The following LRRC39 variants were observed in gnomAD, a reference collection of about 807,000 sequenced individuals.
LRRC39 encodes the protein leucine rich repeat containing 39.
Under a neutral mutation model 39.7 loss-of-function variants are expected in LRRC39, and 35 were observed. The ratio of observed to expected loss-of-function variants is 0.88; its 90% CI spans 0.67 to 1.17. The LOEUF (loss-of-function observed/expected upper bound fraction) is 1.17, where lower values mean the gene tolerates loss of function less well. LRRC39 is among the 50% of genes most tolerant of loss of function. The pLI is 0.00. For missense variants in LRRC39, 357 were observed against 385.8 expected (o/e 0.93, Z 0.62); for synonymous variants, 113 against 134.1 (o/e 0.84, Z 1.09).
chr1:100,176,857 T>C (rs555330833), intron 1 of LRRC39, among the ~76,000 whole-genome samples: 1 of 152,260 alleles, frequency 6.6e-6, no homozygotes, highest in South Asian at 2.1e-4. Flanking sequence ...CAGAACAGAA[T>C]ATAAATGCCA....
intron 2 of LRRC39, among the ~76,000 whole-genome samples, chr1:100,169,063 C>T (rs534784892): frequency 2.6e-5 from 4 of 151,544 alleles, no homozygotes; most frequent in Admixed American, 6.6e-5. Flanking sequence ...AAATGGATGA[C>T]GCAGTATTAA....
intron 2 of LRRC39, among the ~76,000 whole-genome samples, chr1:100,171,500 C>CT (rs1659595128): frequency 1.4e-5 from 2 of 143,286 alleles, no homozygotes; most frequent in Non-Finnish European, 1.5e-5. Context: ...TTTTTTCTTT[C>CT]TTCTTTTTTT....
Position 100,159,331 on chromosome 1 carries a change from T to A in LRRC39, c.304A>T (p.Ile102Phe). The A allele has an allele frequency of 6.2e-7, 1 of 1,611,626 alleles. No individual in the cohort carries two copies. Among genetic ancestry groups the A allele is most frequent in the Non-Finnish European group, 8.5e-7 (1 of 1,178,850 alleles). Reference protein sequence around the residue: ...RTGLLKIPEFIGRFQNLIVLD... With the variant: ...RTGLLKIPEFFGRFQNLIVLD... ...ACAATGAGGTTCTGGAATCTTCCAA[T>A]GAATTCAGGAATTTTCAGCAAACCA... The change falls in exon 5 of 10, where the codon ATT becomes TTT. Residue 102 changes from isoleucine to phenylalanine, a missense_variant. Physicochemically the swap from Ile to Phe is conservative, Grantham distance 21. Transcript: ENST00000370137.
intron 1 of LRRC39, among the ~76,000 whole-genome samples, chr1:100,174,144 A>T (rs1659811047): frequency 6.6e-6 from 1 of 152,190 alleles, no homozygotes; most frequent in Admixed American, 6.5e-5. Flanking sequence ...AAAGAAAACT[A>T]GAGTGGGAGG....
chr1:100,179,392 G>A (rs1258402756), upstream of LRRC39, among the ~76,000 whole-genome samples: 2 of 145,586 alleles, frequency 1.4e-5, no homozygotes, highest in Admixed American at 7.3e-5. Context: ...TAAAAATCAA[G>A]ATCTCACACC....
In LRRC39 at chr1:100,168,610, A is replaced by T. The variant is rs1053903890; in HGVS notation, c.-78-16T>A. 1.1e-6 allele frequency: 1 copy of T among 881,984 alleles called. No individual in the cohort carries two copies. Among genetic ancestry groups the T allele is most frequent in the African/African-American group, 1.7e-5 (1 of 58,628 alleles). 54.6% of individuals were successfully genotyped at this position (881,984 alleles called of 1,614,324 possible). ...CAGAAAGGACCTAAATGTACCAGAG[A>T]AAAAAAGCAATGTTTCAGACTGTTC... On this transcript the variant is annotated splice_polypyrimidine_tract_variant and intron_variant, in intron 2 of 9. Transcript: ENST00000370137.
At chr1:100,167,152 C>T (rs1210105963) in intron 3 of LRRC39, among the ~76,000 whole-genome samples, 3 of 152,042 alleles carry the variant, frequency 2.0e-5, no homozygotes, top group African/African-American at 4.8e-5. Flanking sequence ...GTTAGGGACC[C>T]TCTGTGAAAG....
intron 3 of LRRC39, among the ~76,000 whole-genome samples, chr1:100,166,300 A>T (rs909188115): frequency 6.6e-6 from 1 of 152,184 alleles, no homozygotes; most frequent in South Asian, 2.1e-4. Flanking sequence ...TGTGGAAGTG[A>T]CTTTGGAACT....
At chr1:100,162,747 T>C (rs919158398) in intron 3 of LRRC39, among the ~76,000 whole-genome samples, 3 of 152,010 alleles carry the variant, frequency 2.0e-5, no homozygotes, top group Non-Finnish European at 4.4e-5. Context: ...GAATTGAAAA[T>C]TTTGAAAATT....
At position 100,175,187 on chromosome 1, in the gene LRRC39, G is replaced by GT. The variant is rs1314275923; in HGVS notation, c.-118-1818dup. On this transcript the variant is annotated intron_variant, in intron 1 of 9. Transcript: ENST00000370137. ...GTTTCAGGTATTTCTTTGTTTTGTG[G>GT]TTTTTTGTTTGTTTGTTTTTTGTTT... 2.0e-5 allele frequency among the ~76,000 whole-genome samples: 3 copies of GT among 151,632 alleles called. No individual in the cohort carries two copies. The East Asian group carries it at 5.8e-4, about 29-fold the overall frequency.
At chr1:100,174,996 C>A (rs563685748) in intron 1 of LRRC39, among the ~76,000 whole-genome samples, 1 of 150,404 alleles carries the variant, frequency 6.6e-6, no homozygotes, top group Non-Finnish European at 1.5e-5. Flanking sequence ...GGCACCTCCC[C>A]CTGCTCCCTC....
intron 1 of LRRC39, among the ~76,000 whole-genome samples, chr1:100,176,118 A>G (rs1460724019): frequency 6.6e-6 from 1 of 152,242 alleles, no homozygotes; most frequent in Non-Finnish European, 1.5e-5. Context: ...TAAAAAAATT[A>G]AAAATAAAGT....
chr1:100,160,749 C>T (rs540114447), intron 3 of LRRC39, among the ~76,000 whole-genome samples, 178 bp from the exon 4 acceptor site: 2 of 151,944 alleles, frequency 1.3e-5, no homozygotes, highest in African/African-American at 4.8e-5. Flanking sequence ...CTCAGACTCC[C>T]GAGTAGCCAG....
In LRRC39 at chr1:100,160,571, C is replaced by G. The variant is rs1658799187; in HGVS notation, c.114G>C (p.Lys38Asn). The G allele has an allele frequency of 6.2e-7, 1 of 1,604,134 alleles. No homozygotes were observed. Among genetic ancestry groups the G allele is most frequent in the East Asian group, 2.2e-5 (1 of 44,740 alleles). The change falls in exon 4 of 10, where the codon AAG becomes AAC. Residue 38 changes from lysine (K) to asparagine (N), a missense_variant and splice_region_variant. Physicochemically the swap from Lys to Asn is moderately conservative, Grantham distance 94. Transcript: ENST00000370137. ...CTCGTTCTTCCCAGATCCGCACTAG[C>G]CTAGGAAACCAGGAAATCATTTTAG... ...DLKREKEFQH[K>N]LVRIWEERVS...
At chr1:100,163,022 C>T (rs893281473) in intron 3 of LRRC39, among the ~76,000 whole-genome samples, 9 of 152,128 alleles carry the variant, frequency 5.9e-5, no homozygotes, top group African/African-American at 1.9e-4. Flanking sequence ...TTTGATCTAT[C>T]ACTTGCCTAA....
At chr1:100,151,175 TCTGCCTCTACCA>T (rs1382249925) in intron 9 of LRRC39, among the ~76,000 whole-genome samples, 1 of 151,416 alleles carries the variant, frequency 6.6e-6, no homozygotes, top group African/African-American at 2.4e-5. Context: ...GAAATCATCT[TCTGCCTCTACCA>T]CCTGATTCTA....
At chr1:100,152,206 CCTCT>C (rs1325660457) in intron 9 of LRRC39, among the ~76,000 whole-genome samples, 175 bp downstream of exon 9, 11 of 152,282 alleles carry the variant, frequency 7.2e-5, no homozygotes, top group Non-Finnish European at 2.9e-5. Context: ...ATCTTTAAAA[CCTCT>C]CTCTCTATTT....
At chr1:100,153,859 G>A (rs527382813) in intron 8 of LRRC39, among the ~76,000 whole-genome samples, 2 of 152,044 alleles carry the variant, frequency 1.3e-5, no homozygotes, top group South Asian at 4.2e-4. Flanking sequence ...GGGCTCAAGC[G>A]ATCCTCCAGC....
intron 3 of LRRC39, among the ~76,000 whole-genome samples, chr1:100,161,520 C>G (rs1658877324): frequency 6.6e-6 from 1 of 152,106 alleles, no homozygotes. Context: ...GGGTTAATTC[C>G]ACTATTGGCT....
Sources: gnomAD v4.1 joint callset for allele counts (sites outside exome capture counted in the v4.1 genomes callset) on GRCh38, gnomAD v4.1.1 for gene constraint, MANE v1.5 for transcripts, NCBI Gene and HGNC (gene_info 2026-07-23, HGNC 2026-07-21) for gene names.